SH3GL2: variants seen among roughly 807,000 people sequenced by gnomAD.
The protein encoded by SH3GL2 is endophilin-A1.
A neutral mutation model predicts 46.0 loss-of-function variants in SH3GL2; 24 were observed. That is an observed-to-expected ratio of 0.52 (90% confidence interval 0.38 to 0.73). The LOEUF (loss-of-function observed/expected upper bound fraction) is 0.73. SH3GL2 is among the 30% of genes least tolerant of loss of function. The probability of loss-of-function intolerance (pLI) is 0.00; values close to 1 mark genes in which losing one functional copy is unlikely to be tolerated. For missense variants in SH3GL2, 413 were observed against 424.2 expected (o/e 0.97, Z 0.23); for synonymous variants, 196 against 147.1 (o/e 1.33, Z -2.40).
chr9:17,598,020 G>A (rs757360608), intron 1 of SH3GL2, among the ~76,000 whole-genome samples: 3 of 152,164 alleles, frequency 2.0e-5, no homozygotes, highest in Non-Finnish European at 4.4e-5. Context: ...CAATGATTAT[G>A]CAAATATATA....
At chr9:17,769,784 C>T (rs1027186429) in intron 3 of SH3GL2, among the ~76,000 whole-genome samples, 1 of 152,086 alleles carries the variant, frequency 6.6e-6, no homozygotes, top group Non-Finnish European at 1.5e-5. Flanking sequence ...TCATATAGAA[C>T]GTAATCTCCA....
chr9:17,787,558 C>G (rs763790861), intron 5 of SH3GL2, 45 bp downstream of exon 5: 30 of 1,495,158 alleles, frequency 2.0e-5, no homozygotes, highest in Non-Finnish European at 2.7e-5. Context: ...TGAAATCATA[C>G]AGATGCAGAT....
intron 1 of SH3GL2, among the ~76,000 whole-genome samples, chr9:17,712,255 T>C (rs1252093254): frequency 6.6e-6 from 1 of 151,880 alleles, no homozygotes; most frequent in African/African-American, 2.4e-5. Context: ...TCTCCACATC[T>C]ATGGCTTGAC....
intron 3 of SH3GL2, among the ~76,000 whole-genome samples, chr9:17,771,520 C>T (rs949469065): frequency 6.6e-6 from 1 of 152,188 alleles, no homozygotes; most frequent in Non-Finnish European, 1.5e-5. Context: ...TACCACCACC[C>T]TCTATTTGCT....
At chr9:17,743,983 G>T (rs1822608780) in intron 1 of SH3GL2, among the ~76,000 whole-genome samples, 1 of 152,136 alleles carries the variant, frequency 6.6e-6, no homozygotes, top group Non-Finnish European at 1.5e-5. Context: ...ACATGAAGGG[G>T]TCTATCTATA....
At chr9:17,637,575 GCAA>G (rs1456872430) in intron 1 of SH3GL2, among the ~76,000 whole-genome samples, 2 of 152,188 alleles carry the variant, frequency 1.3e-5, no homozygotes, top group African/African-American at 4.8e-5. Flanking sequence ...GGAAATAGTG[GCAA>G]CAACATTATC....
At chr9:17,610,666 C>T (rs770010081) in intron 1 of SH3GL2, among the ~76,000 whole-genome samples, 18 of 151,554 alleles carry the variant, frequency 1.2e-4, no homozygotes, top group East Asian at 3.9e-4. Context: ...CTTTTTTTGA[C>T]GAAGAAGTTT....
Position 17,793,467 on chromosome 9 carries a change from C to G in SH3GL2, c.829C>G (p.Leu277Val). Reference protein sequence around the residue: ...TGDSTQPNGGLSHTGTPKPSG... With the variant: ...TGDSTQPNGGVSHTGTPKPSG... ...AGACAGTACTCAGCCCAATGGGGGT[C>G]TCTCCCACACAGGCACTCCCAAACC... Residue 277 changes from leucine to valine, a missense_variant, in exon 8 of 9, where the codon CTC (leucine) becomes GTC (valine). Coordinates refer to ENST00000380607, the MANE Select transcript of SH3GL2 (RefSeq NM_003026.5). 6.2e-7 allele frequency: 1 copy of G among 1,612,666 alleles called. No homozygotes were observed. The highest frequency in any genetic ancestry group is 8.5e-7 in the Non-Finnish European group (1 of 1,179,494).
chr9:17,778,483 G>T (rs1187827322), intron 3 of SH3GL2, among the ~76,000 whole-genome samples: 1 of 152,126 alleles, frequency 6.6e-6, no homozygotes, highest in Non-Finnish European at 1.5e-5. Flanking sequence ...CATGTTGGCT[G>T]GGGGAGGTCA....
At chr9:17,642,398 C>A (rs1455528208) in intron 1 of SH3GL2, among the ~76,000 whole-genome samples, 4 of 152,152 alleles carry the variant, frequency 2.6e-5, no homozygotes, top group Admixed American at 6.5e-5. Flanking sequence ...GTTGCCATTG[C>A]TTTTGGTGTT....
intron 1 of SH3GL2, among the ~76,000 whole-genome samples, chr9:17,632,911 T>C (rs1819464448): frequency 6.6e-6 from 1 of 152,240 alleles, no homozygotes; most frequent in Non-Finnish European, 1.5e-5. Flanking sequence ...GTTTTATTAC[T>C]TGATACTTAT....
intron 3 of SH3GL2, among the ~76,000 whole-genome samples, chr9:17,774,315 A>G (rs573685825): frequency 6.6e-6 from 1 of 152,230 alleles, no homozygotes; most frequent in South Asian, 2.1e-4. Flanking sequence ...CAGAACTTTC[A>G]GTACTGTGTT....
intron 1 of SH3GL2, among the ~76,000 whole-genome samples, chr9:17,620,518 A>C (rs1819114065): frequency 6.6e-6 from 1 of 152,174 alleles, no homozygotes; most frequent in African/African-American, 2.4e-5. Context: ...GCTCGCAGAC[A>C]TGCAACTACT....
At chr9:17,750,783 TTG>T (rs1413453573) in intron 2 of SH3GL2, among the ~76,000 whole-genome samples, 1 of 152,244 alleles carries the variant, frequency 6.6e-6, no homozygotes, top group Non-Finnish European at 1.5e-5. Context: ...TAGTTTTTTG[TTG>T]TGTGTACAGT....
chr9:17,677,897 C>T (rs565159045), intron 1 of SH3GL2, among the ~76,000 whole-genome samples: 24 of 151,760 alleles, frequency 1.6e-4, no homozygotes, highest in East Asian at 1.6e-3. Context: ...TTTGTCCTTG[C>T]GATAGTTTGC....
At chr9:17,618,927 T>G (rs181903672) in intron 1 of SH3GL2, among the ~76,000 whole-genome samples, 1 of 152,208 alleles carries the variant, frequency 6.6e-6, no homozygotes, top group African/African-American at 2.4e-5. Flanking sequence ...TGGCTTATTT[T>G]TAAAAATTCA....
chr9:17,634,279 T>G (rs1819496071), intron 1 of SH3GL2, among the ~76,000 whole-genome samples: 1 of 152,226 alleles, frequency 6.6e-6, no homozygotes, highest in Admixed American at 6.5e-5. Flanking sequence ...TCTTGGGTAG[T>G]TACATATTTT....
At chr9:17,677,055 T>C (rs746749144) in intron 1 of SH3GL2, among the ~76,000 whole-genome samples, 10 of 152,154 alleles carry the variant, frequency 6.6e-5, no homozygotes, top group Non-Finnish European at 1.3e-4. Flanking sequence ...CATTTGGCGA[T>C]GTCTTCCTCC....
intron 3 of SH3GL2, among the ~76,000 whole-genome samples, chr9:17,765,699 T>G (rs969128125): frequency 2.0e-5 from 3 of 152,190 alleles, no homozygotes; most frequent in African/African-American, 7.2e-5. Flanking sequence ...TTAGCCTTCC[T>G]TGGCTCCAAC....
Sources: allele counts gnomAD v4.1 joint callset (sites outside exome capture counted in the v4.1 genomes callset), GRCh38; gene constraint gnomAD v4.1.1; transcripts MANE v1.5; gene names NCBI Gene and HGNC (gene_info 2026-07-23, HGNC 2026-07-21).